MTUS2: variants seen among roughly 807,000 people sequenced by gnomAD.
MTUS2 encodes microtubule-associated tumor suppressor candidate 2.
MTUS2 carries 40 observed loss-of-function variants against 114.1 expected under a neutral mutation model. That is an observed-to-expected ratio of 0.35 (90% confidence interval 0.27 to 0.46). The LOEUF is 0.46. MTUS2 is among the 20% of genes least tolerant of loss of function. The pLI, the probability that MTUS2 is intolerant of heterozygous loss-of-function variation, is 1.00. For synonymous variants in MTUS2, 688 were observed against 672.0 expected (o/e 1.02, Z -0.37); for missense variants, 1,679 against 1,705.4 (o/e 0.98, Z 0.27).
chr13:29,186,770 C>G (rs1221572864), intron 5 of MTUS2, among the ~76,000 whole-genome samples: 1 of 152,118 alleles, frequency 6.6e-6, no homozygotes, highest in Non-Finnish European at 1.5e-5. Context: ...ATCAACTAGA[C>G]TTAATAGACA....
intron 5 of MTUS2, among the ~76,000 whole-genome samples, chr13:29,194,139 C>T (rs1894569215): frequency 6.6e-6 from 1 of 150,658 alleles, no homozygotes; most frequent in Non-Finnish European, 1.5e-5. Flanking sequence ...ACCATAAAAA[C>T]CCTAGAAGAA....
At chr13:28,941,301 C>T (rs1271810027) in intron 2 of MTUS2, among the ~76,000 whole-genome samples, 2 of 151,960 alleles carry the variant, frequency 1.3e-5, no homozygotes, top group East Asian at 3.9e-4. Flanking sequence ...ATATATTCTG[C>T]ATATGCTTAC....
intron 2 of MTUS2, among the ~76,000 whole-genome samples, chr13:28,913,473 G>A (rs1593295717): frequency 6.6e-6 from 1 of 152,054 alleles, no homozygotes; most frequent in East Asian, 1.9e-4. Context: ...TAACTTAGTT[G>A]TGGTGGGTAA....
intron 6 of MTUS2, chr13:29,306,716 T>C (rs1899481342): frequency 3.6e-6 from 1 of 280,570 alleles, no homozygotes; most frequent in South Asian, 3.2e-5. Context: ...GGCTCCCTGC[T>C]TCTCCTGTTC....
rs890247447 is a variant in MTUS2, at chr13:29,323,621, A to T, written c.2807-992A>T. Among the ~76,000 whole-genome samples, 7 of 152,222 alleles carry T rather than the reference A, an allele frequency of 4.6e-5. No homozygotes were observed. In the South Asian group the frequency reaches 8.3e-4, roughly 18 times the overall value. On this transcript the variant is annotated intron_variant, in intron 6 of 15. Transcript: ENST00000612955. Reference sequence around the variant, plus strand: ...AAGATCTCCAAAAATGTGGGTAGGTAAAAAGAAATTGCAATGTTTATTTCA... The same window carrying T: ...AAGATCTCCAAAAATGTGGGTAGGTTAAAAGAAATTGCAATGTTTATTTCA...
chr13:29,197,291 A>G (rs796421222), intron 5 of MTUS2, among the ~76,000 whole-genome samples: 2 of 151,264 alleles, frequency 1.3e-5, no homozygotes, highest in African/African-American at 4.9e-5. Flanking sequence ...TCATTATTCA[A>G]CTCCCACTTA....
intron 2 of MTUS2, among the ~76,000 whole-genome samples, chr13:28,901,912 A>G (rs574197806): frequency 1.8e-4 from 28 of 152,314 alleles, no homozygotes; most frequent in African/African-American, 6.5e-4. Flanking sequence ...TTTTGATGGT[A>G]ATTGCATTAG....
At chr13:28,977,994 G>A (rs1884192125) in intron 2 of MTUS2, among the ~76,000 whole-genome samples, 1 of 152,102 alleles carries the variant, frequency 6.6e-6, no homozygotes, top group Non-Finnish European at 1.5e-5. Context: ...CCATGCCATG[G>A]TCACAAAGAT....
chr13:29,026,143 A>T lies in MTUS2; in HGVS notation c.1445A>T (p.Glu482Val). The T allele has an allele frequency of 6.2e-7, 1 of 1,614,006 alleles. No homozygotes were observed. The highest frequency in any genetic ancestry group is 8.5e-7 in the Non-Finnish European group (1 of 1,179,890). Residue 482 changes from glutamate to valine, a missense_variant, in exon 3 of 16, where the codon GAG (glutamate) becomes GTG (valine). Physicochemically the swap from Glu to Val is moderately radical, Grantham distance 121. Around this residue, in one of 3 missense-constraint regions of MTUS2, gnomAD observed 843 missense variants for 770.8 expected, o/e 1.09. Coordinates refer to ENST00000612955, the MANE Select transcript of MTUS2 (RefSeq NM_001033602.4). ...CCTTCTGTTGGAGAGAACAAGACGG[A>T]GGTGCCTGAGCCCCTGGACCCTCAA... ...FNPSVGENKT[E>V]VPEPLDPQSG...
intron 2 of MTUS2, among the ~76,000 whole-genome samples, chr13:28,933,164 G>C (rs138195854): frequency 7.5e-6 from 1 of 132,526 alleles, no homozygotes; most frequent in Admixed American, 7.3e-5. Flanking sequence ...CACACACACA[G>C]ATTGATTGAT....
chr13:28,940,993 C>T (rs1882202860), intron 2 of MTUS2, among the ~76,000 whole-genome samples: 2 of 151,168 alleles, frequency 1.3e-5, no homozygotes, highest in South Asian at 4.2e-4. Flanking sequence ...GACTTTGAGG[C>T]AAGGATCATT....
chr13:28,841,183 A>G (rs1479918413), intron 2 of MTUS2, among the ~76,000 whole-genome samples: 1 of 152,248 alleles, frequency 6.6e-6, no homozygotes, highest in Admixed American at 6.5e-5. Context: ...CTGATGAAAC[A>G]AAAAGCTATG....
chr13:28,908,357 G>A lies in MTUS2; in HGVS notation c.-243+68507G>A, dbSNP rs540602584. On this transcript the variant is annotated intron_variant, in intron 2 of 15. Transcript: ENST00000612955. Reference sequence around the variant, plus strand: ...CTTCCTGTGTCCATGTGTTCTCATTGTTTAATTCCCACCTATGAGTGAGAA... The same window carrying A: ...CTTCCTGTGTCCATGTGTTCTCATTATTTAATTCCCACCTATGAGTGAGAA... Among the ~76,000 whole-genome samples, 148 of 151,488 alleles carry A rather than the reference G, an allele frequency of 9.8e-4. 3 individuals carry two copies. The South Asian group carries it at 0.031, about 31-fold the overall frequency.
intron 15 of MTUS2, among the ~76,000 whole-genome samples, chr13:29,501,656 T>C (rs1384756912): frequency 6.6e-6 from 1 of 152,122 alleles, no homozygotes; most frequent in Non-Finnish European, 1.5e-5. Context: ...CACAGCACAA[T>C]GCGGGGATAA....
At chr13:29,279,429 C>T (rs184784112) in intron 5 of MTUS2, among the ~76,000 whole-genome samples, 334 of 152,324 alleles carry the variant, frequency 2.2e-3, no homozygotes, top group Admixed American at 4.2e-3. Flanking sequence ...CTGGCTCACA[C>T]AAGCAGTTTA....
At chr13:29,256,617 G>A (rs1164906062) in intron 5 of MTUS2, among the ~76,000 whole-genome samples, 2 of 152,216 alleles carry the variant, frequency 1.3e-5, no homozygotes, top group Non-Finnish European at 1.5e-5. Context: ...ATATTTCATT[G>A]GCTAAAAACA....
At chr13:29,493,004 G>T (rs1041936517) in intron 12 of MTUS2, among the ~76,000 whole-genome samples, 1 of 152,212 alleles carries the variant, frequency 6.6e-6, no homozygotes, top group African/African-American at 2.4e-5. Context: ...ACTTGGTGTG[G>T]TCTGGAGTAT....
intron 8 of MTUS2, among the ~76,000 whole-genome samples, chr13:29,393,240 C>A (rs937013664): frequency 6.6e-6 from 1 of 152,232 alleles, no homozygotes; most frequent in Non-Finnish European, 1.5e-5. Context: ...CACTGCTGGG[C>A]AACCTCTGAT....
At chr13:29,483,427 G>A (rs1031048419) in intron 10 of MTUS2, among the ~76,000 whole-genome samples, 8 of 152,240 alleles carry the variant, frequency 5.3e-5, no homozygotes, top group African/African-American at 1.7e-4. Flanking sequence ...CTCTGCCCAC[G>A]GCATGTGCTC....
Sources: allele counts gnomAD v4.1 joint callset (sites outside exome capture counted in the v4.1 genomes callset), GRCh38; gene constraint gnomAD v4.1.1; regional missense constraint gnomAD v4.1.1; transcripts MANE v1.5; gene names NCBI Gene and HGNC (gene_info 2026-07-23, HGNC 2026-07-21).